FRMD6: variants seen among roughly 807,000 people sequenced by gnomAD.
FRMD6 encodes FERM domain containing 6.
FRMD6 carries 37 observed loss-of-function variants against 73.2 expected under a neutral mutation model. That is an observed-to-expected ratio of 0.51 (90% CI 0.39 to 0.66). The LOEUF (loss-of-function observed/expected upper bound fraction) is 0.66. Ranked by LOEUF, FRMD6 falls within the 30% of genes least tolerant of loss-of-function variation. FRMD6 has a pLI of 0.00. For synonymous variants in FRMD6, 273 were observed against 282.2 expected, an observed-to-expected ratio of 0.97 and a Z score of 0.33; for missense variants, 714 against 780.5, an observed-to-expected ratio of 0.91 and a Z score of 1.02.
In FRMD6 at chr14:51,701,159, G is replaced by T; in HGVS notation, c.294G>T (p.Trp98Cys). Residue 98 changes from tryptophan to cysteine, a missense_variant and splice_region_variant, in exon 4 of 14, where the codon TGG (tryptophan) becomes TGT (cysteine). Trp to Cys is a radical substitution (Grantham distance 215). Coordinates refer to ENST00000344768, the MANE Select transcript of FRMD6 (RefSeq NM_001267046.2). The stretch of plus-strand genomic sequence containing the variant: ...AGGTACGACAATACGAAGTCACTTG[G>T]GTGAGATTACATTTATAAGCAAAAT... ...ASKVRQYEVT[W>C]GIDQFGPPMI... The T allele has an allele frequency of 1.3e-6, 2 of 1,522,374 alleles. No individual in the cohort carries two copies. Among genetic ancestry groups the T allele is most frequent in the Non-Finnish European group, 8.9e-7 (1 of 1,123,548 alleles). The allele number at this position is 1,522,374 out of a possible 1,614,324, so 94.3% of individuals were successfully genotyped here.
At chr14:51,471,623 A>T in the FRMD6 span, among the ~76,000 whole-genome samples, 1 of 152,194 alleles carries the variant, frequency 6.6e-6, no homozygotes, top group African/African-American at 2.4e-5. Flanking sequence ...TGGTAACTAA[A>T]ATTTAAAAAT....
intron 1 of FRMD6, among the ~76,000 whole-genome samples, chr14:51,652,999 T>A (rs1012126732): frequency 1.3e-5 from 2 of 152,336 alleles, no homozygotes; most frequent in Admixed American, 1.3e-4. Context: ...CAAAGAAATA[T>A]TAGCTCGTTT....
At chr14:51,596,056 A>G (rs1026881482) in intron 2 of FRMD6, among the ~76,000 whole-genome samples, 1 of 152,220 alleles carries the variant, frequency 6.6e-6, no homozygotes, top group African/African-American at 2.4e-5. Context: ...TCACTTGCAG[A>G]ACTAATGTTC....
At chr14:51,680,139 G>GA (rs1894698874) in intron 1 of FRMD6, among the ~76,000 whole-genome samples, 1 of 152,214 alleles carries the variant, frequency 6.6e-6, no homozygotes, top group South Asian at 2.1e-4. Flanking sequence ...CTTTCCAACT[G>GA]AAGAAAAGCC....
At chr14:51,705,309 T>C (rs1896559828) in intron 6 of FRMD6, among the ~76,000 whole-genome samples, 1 of 152,120 alleles carries the variant, frequency 6.6e-6, no homozygotes, top group Admixed American at 6.6e-5. Flanking sequence ...TTTCCTTTGC[T>C]GCGAGAACAA....
At chr14:51,621,808 G>A (rs1283860296) in intron 2 of FRMD6, among the ~76,000 whole-genome samples, 1 of 151,590 alleles carries the variant, frequency 6.6e-6, no homozygotes, top group East Asian at 1.9e-4. Flanking sequence ...GATTCTACCA[G>A]ACCCAGCTGG....
chr14:51,653,211 T>C lies in FRMD6; in HGVS notation c.-147+1215T>C, dbSNP rs772503374. On this transcript the variant is annotated intron_variant, in intron 1 of 13. Coordinates refer to ENST00000344768, the MANE Select transcript of FRMD6 (RefSeq NM_001267046.2). Reference sequence around the variant, plus strand: ...CTCTTGCTGGATTTTCCGAGTATGATTCCCTTCTGTTCTTCTCTGGGACCG... The same window carrying C: ...CTCTTGCTGGATTTTCCGAGTATGACTCCCTTCTGTTCTTCTCTGGGACCG... 5.9e-5 allele frequency among the ~76,000 whole-genome samples: 9 copies of C among 152,158 alleles called. 1 individual carries two copies. The highest frequency in any genetic ancestry group is 1.5e-5 in the Non-Finnish European group (1 of 68,018).
intron 6 of FRMD6, among the ~76,000 whole-genome samples, chr14:51,707,754 C>T (rs1896706588): frequency 6.6e-6 from 1 of 152,198 alleles, no homozygotes; most frequent in South Asian, 2.1e-4. Context: ...CAAGTATAAA[C>T]AATTATGTGT....
chr14:51,720,048 C>G lies in FRMD6; in HGVS notation c.1025-7C>G, dbSNP rs1897449352. 4 of 1,602,708 alleles carry G rather than the reference C, an allele frequency of 2.5e-6. No individual in the cohort carries two copies. The South Asian group carries it at 3.3e-5, about 13-fold the overall frequency. ...TTGGTTAATGAACTGTGTTCCCCAC[C>G]ACGTAGAGAAGAAGCAGTACCGGGA... On this transcript the variant is annotated splice_polypyrimidine_tract_variant and splice_region_variant and intron_variant, in intron 10 of 13. Coordinates refer to ENST00000344768, the MANE Select transcript of FRMD6 (RefSeq NM_001267046.2).
At chr14:51,539,670 G>T (rs1410605836) in intron 1 of FRMD6, among the ~76,000 whole-genome samples, 1 of 152,102 alleles carries the variant, frequency 6.6e-6, no homozygotes, top group Admixed American at 6.6e-5. Flanking sequence ...GAGGCATTGA[G>T]TATGTAGCCA....
intron 2 of FRMD6, among the ~76,000 whole-genome samples, chr14:51,645,273 C>T (rs1371426005): frequency 6.6e-6 from 1 of 152,164 alleles, no homozygotes; most frequent in East Asian, 1.9e-4. Context: ...AAGGTACTGT[C>T]TTCCTTTCAT....
At position 51,540,200 on chromosome 14, in the gene FRMD6, A is replaced by T. The variant is rs146705014; in HGVS notation, c.-209-30148A>T. On this transcript the variant is annotated intron_variant, in intron 1 of 14. Transcript: ENST00000356218. ...CAAGAGAAGACTAGCTCAGGGGCCA[A>T]AAAAATGGAGCCAAGATATGGTGGG... Among the ~76,000 whole-genome samples, 276 of 152,254 alleles carry T rather than the reference A, an allele frequency of 1.8e-3. 1 individual carries two copies. The highest frequency in any genetic ancestry group is 6.5e-3 in the African/African-American group (268 of 41,546).
chr14:51,651,672 C>T (rs1208766251), upstream of FRMD6: 2 of 151,936 alleles, frequency 1.3e-5, no homozygotes, highest in Non-Finnish European at 2.9e-5. Flanking sequence ...CCCAAGTGGC[C>T]GCACCCCTCC....
At chr14:51,504,861 T>A (rs1215997107) in intron 1 of FRMD6, among the ~76,000 whole-genome samples, 2 of 152,192 alleles carry the variant, frequency 1.3e-5, no homozygotes, top group African/African-American at 4.8e-5. Flanking sequence ...GTGTTTCTGT[T>A]TAAATTTAGA....
At chr14:51,416,874 T>G in the FRMD6 span, among the ~76,000 whole-genome samples, 3 of 152,340 alleles carry the variant, frequency 2.0e-5, no homozygotes, top group East Asian at 5.8e-4. Flanking sequence ...TAGTTAGCTC[T>G]TCTTGTTGAA....
chr14:51,418,255 G>C, the FRMD6 span, among the ~76,000 whole-genome samples: 1 of 152,144 alleles, frequency 6.6e-6, no homozygotes, highest in East Asian at 1.9e-4. Context: ...AGAATTTTCA[G>C]CTTTTCTGCT....
chr14:51,468,306 G>A, the FRMD6 span, among the ~76,000 whole-genome samples: 1 of 146,600 alleles, frequency 6.8e-6, no homozygotes, highest in African/African-American at 2.5e-5. Context: ...GATGGGAGAG[G>A]GGGAGGGGGA....
intron 1 of FRMD6, among the ~76,000 whole-genome samples, chr14:51,657,110 C>T (rs184335573): frequency 6.6e-6 from 1 of 152,276 alleles, no homozygotes; most frequent in East Asian, 1.9e-4. Context: ...TGAAGTTTCT[C>T]ACTTAGCTTT....
At chr14:51,709,796 G>A (rs1347383655) in intron 7 of FRMD6, among the ~76,000 whole-genome samples, 1 of 152,178 alleles carries the variant, frequency 6.6e-6, no homozygotes, top group Non-Finnish European at 1.5e-5. Flanking sequence ...TGAATGATAT[G>A]TTGGAAAGAG....
Sources: allele counts gnomAD v4.1 joint callset (sites outside exome capture counted in the v4.1 genomes callset), GRCh38; gene constraint gnomAD v4.1.1; transcripts MANE v1.5; gene names NCBI Gene and HGNC (gene_info 2026-07-23, HGNC 2026-07-21).